Variants in NRXN3 observed in about 807,000 individuals in gnomAD.
NRXN3 encodes the protein neurexin 3.
In NRXN3, 32 loss-of-function variants were observed where a neutral mutation model predicts 137.6. That is an observed-to-expected ratio of 0.23 (90% CI 0.18 to 0.31). The LOEUF (loss-of-function observed/expected upper bound fraction) is 0.31, where lower values mean the gene tolerates loss of function less well. Among genes scored for constraint, NRXN3 ranks in the 10% least tolerant of loss-of-function variants. The pLI is 1.00. For missense variants in NRXN3, 1,574 were observed against 2,062.5 expected (o/e 0.76, Z 4.59); for synonymous variants, 798 against 784.5 (o/e 1.02, Z -0.29).
chr14:78,427,506 C>T (rs997781543), intron 4 of NRXN3, among the ~76,000 whole-genome samples: 17 of 152,078 alleles, frequency 1.1e-4, no homozygotes. Context: ...CAGGCTTCTA[C>T]CTGAGAACTG....
chr14:79,721,397 T>C (rs1190423866), intron 19 of NRXN3, among the ~76,000 whole-genome samples: 2 of 152,054 alleles, frequency 1.3e-5, no homozygotes, highest in Non-Finnish European at 2.9e-5. Context: ...ACAATGTTAT[T>C]TTCATGCAAA....
chr14:79,425,504 A>G (rs1363749476), intron 15 of NRXN3, among the ~76,000 whole-genome samples: 3 of 152,186 alleles, frequency 2.0e-5, no homozygotes, highest in African/African-American at 7.2e-5. Context: ...CAGATTTATA[A>G]TAAGAATCAG....
intron 2 of NRXN3, among the ~76,000 whole-genome samples, chr14:78,252,715 A>G (rs1480576764): frequency 6.6e-6 from 1 of 152,208 alleles, no homozygotes; most frequent in East Asian, 1.9e-4. Flanking sequence ...CATTTCAGGC[A>G]ATTCTGCAAT....
chr14:78,884,022 C>A (rs1472031062), intron 10 of NRXN3, among the ~76,000 whole-genome samples: 2 of 151,938 alleles, frequency 1.3e-5, no homozygotes, highest in Non-Finnish European at 1.5e-5. Context: ...ATCTTGTTTC[C>A]TTTACTTTTT....
chr14:78,771,499 G>GTGC lies in NRXN3; in HGVS notation c.2045-32120_2045-32118dup, dbSNP rs570874259. 3.4e-4 allele frequency among the ~76,000 whole-genome samples: 52 copies of GTGC among 152,308 alleles called. No individual in the cohort carries two copies. In the East Asian group the frequency reaches 9.8e-3, roughly 29 times the overall value. On this transcript the variant is annotated intron_variant, in intron 8 of 20. Transcript: ENST00000335750. Reference sequence around the variant, plus strand: ...GTATATTTCTGATGGCCTCTTCAAGGTGCAGAGAAAGAAGATCTCCTCCAA... The same window carrying GTGC: ...GTATATTTCTGATGGCCTCTTCAAGGTGCTGCAGAGAAAGAAGATCTCCTCCAA...
intron 4 of NRXN3, among the ~76,000 whole-genome samples, chr14:78,601,610 G>T (rs539788517): frequency 6.6e-6 from 1 of 151,886 alleles, no homozygotes; most frequent in African/African-American, 2.4e-5. Context: ...CCGCCACCAC[G>T]CCCGGCTAAT....
At chr14:79,197,416 G>A (rs1263832112) in intron 15 of NRXN3, among the ~76,000 whole-genome samples, 2 of 152,170 alleles carry the variant, frequency 1.3e-5, no homozygotes, top group Admixed American at 1.3e-4. Context: ...GTGGTTCTCA[G>A]TTGCTGCTTA....
At chr14:78,928,225 G>A (rs1322990400) in intron 10 of NRXN3, among the ~76,000 whole-genome samples, 1 of 152,084 alleles carries the variant, frequency 6.6e-6, no homozygotes, top group African/African-American at 2.4e-5. Context: ...CTTGTTTTAG[G>A]AGGAACCCCA....
At chr14:78,246,904 A>G (rs901649197) in intron 2 of NRXN3, among the ~76,000 whole-genome samples, 11 of 152,238 alleles carry the variant, frequency 7.2e-5, no homozygotes, top group African/African-American at 2.7e-4. Flanking sequence ...TACTGAGACC[A>G]GGGGGCTTAT....
At chr14:78,422,852 A>G (rs1474784209) in intron 4 of NRXN3, among the ~76,000 whole-genome samples, 2 of 152,232 alleles carry the variant, frequency 1.3e-5, no homozygotes, top group African/African-American at 4.8e-5. Flanking sequence ...ACCAAGCATT[A>G]TGGTGATGGA....
At position 79,861,971 on chromosome 14, in the gene NRXN3, G is replaced by C. The variant is rs373223216; in HGVS notation, c.*7G>C. 3.1e-6 allele frequency: 5 copies of C among 1,603,120 alleles called. No individual in the cohort carries two copies. In the African/African-American group the frequency reaches 5.4e-5, roughly 17 times the overall value. On this transcript the variant is annotated 3_prime_UTR_variant, in exon 21 of 21. Coordinates refer to ENST00000335750, the MANE Select transcript of NRXN3 (RefSeq NM_001330195.2). The surrounding 1 kb of genome is among the most constrained non-coding windows in gnomAD (Gnocchi z 5.4). Reference sequence around the variant, plus strand: ...CAGGGAGTATTACGTGTAAACATGCGAACACTGCTCACACGCGAGTTTTCA... The same window carrying C: ...CAGGGAGTATTACGTGTAAACATGCCAACACTGCTCACACGCGAGTTTTCA...
chr14:79,620,609 G>C (rs2153897884), intron 16 of NRXN3, among the ~76,000 whole-genome samples: 1 of 152,260 alleles, frequency 6.6e-6, no homozygotes, highest in East Asian at 1.9e-4. Context: ...ATTTATGCCT[G>C]AATGAATGGA....
chr14:78,902,109 A>C (rs1597181318), intron 10 of NRXN3, among the ~76,000 whole-genome samples: 1 of 151,694 alleles, frequency 6.6e-6, no homozygotes, highest in South Asian at 2.1e-4. Context: ...GTGAGACTGA[A>C]GTATTTTGAT....
intron 4 of NRXN3, among the ~76,000 whole-genome samples, chr14:78,566,165 G>C (rs897234030): frequency 5.3e-5 from 8 of 151,462 alleles, no homozygotes; most frequent in African/African-American, 1.9e-4. Flanking sequence ...CCCCAACGCC[G>C]GCCAAAAAAA....
At chr14:78,847,671 G>A (rs1036458086) in intron 10 of NRXN3, among the ~76,000 whole-genome samples, 3 of 152,064 alleles carry the variant, frequency 2.0e-5, no homozygotes, top group African/African-American at 7.2e-5. Flanking sequence ...TCATTTTACA[G>A]TGGGAAAATT....
rs1337423245 is a variant in NRXN3, at chr14:78,821,139, A to G, written c.2275+10795A>G. 2.0e-5 allele frequency among the ~76,000 whole-genome samples: 3 copies of G among 152,162 alleles called. No homozygotes were observed. In the East Asian group the frequency reaches 5.8e-4, roughly 29 times the overall value. ...TTTAAAGGATTAATGGGGAAAAAAG[A>G]GGGGGATCACTGCAAAGGTAACGAA... is the stretch of plus-strand genomic sequence containing the variant. On this transcript the variant is annotated intron_variant, in intron 10 of 20. Transcript: ENST00000335750.
At chr14:79,536,339 T>C (rs1222554975) in intron 16 of NRXN3, among the ~76,000 whole-genome samples, 3 of 152,024 alleles carry the variant, frequency 2.0e-5, no homozygotes, top group African/African-American at 7.2e-5. Context: ...GGAGGATGAG[T>C]GAAAATCATG....
intron 4 of NRXN3, among the ~76,000 whole-genome samples, chr14:78,360,558 G>C (rs2084963942): frequency 6.6e-6 from 1 of 152,040 alleles, no homozygotes; most frequent in African/African-American, 2.4e-5. Context: ...TGTAGCCCTG[G>C]GTGCCTAGTT....
intron 4 of NRXN3, among the ~76,000 whole-genome samples, chr14:78,559,764 T>A (rs2096770293): frequency 6.6e-6 from 1 of 152,254 alleles, no homozygotes; most frequent in African/African-American, 2.4e-5. Flanking sequence ...GACTTGAACA[T>A]GCCACTAAGG....
Sources: gnomAD v4.1 joint callset for allele counts (sites outside exome capture counted in the v4.1 genomes callset) on GRCh38, gnomAD v4.1.1 for gene constraint, Gnocchi (gnomAD v3.1) non-coding constraint, MANE v1.5 for transcripts, NCBI Gene and HGNC (gene_info 2026-07-23, HGNC 2026-07-21) for gene names.